Variants in LMF1 observed in about 807,000 individuals in gnomAD.
The protein encoded by LMF1 is transmembrane protein 112.
A neutral mutation model predicts 60.6 loss-of-function variants in LMF1; 68 were observed. That is an observed-to-expected ratio of 1.12 (90% CI 0.92 to 1.37). LMF1 has a LOEUF of 1.37. LMF1 is among the 40% of genes most tolerant of loss of function. LMF1 has a pLI of 0.00. For synonymous variants in LMF1, 418 were observed against 324.7 expected (o/e 1.29, Z -3.09); for missense variants, 948 against 767.2 (o/e 1.24, Z -2.78).
intron 3 of LMF1, among the ~76,000 whole-genome samples, chr16:912,671 C>A (rs545956796): frequency 6.6e-6 from 1 of 152,322 alleles, no homozygotes; most frequent in East Asian, 1.9e-4. Flanking sequence ...TCGCTCACGC[C>A]CCAGGCTCGC....
At chr16:927,579 C>G (rs924291306) in intron 3 of LMF1, among the ~76,000 whole-genome samples, 2 of 152,230 alleles carry the variant, frequency 1.3e-5, no homozygotes, top group Non-Finnish European at 2.9e-5. Context: ...GCATCCCTGA[C>G]CCTGGGAGCT....
At chr16:877,231 AACTAAGATAAT>A (rs1192128545) in intron 6 of LMF1, among the ~76,000 whole-genome samples, 7 of 152,202 alleles carry the variant, frequency 4.6e-5, no homozygotes, top group Non-Finnish European at 8.8e-5. Context: ...GAGGCTATAA[AACTAAGATAAT>A]ACTATGACTT....
In LMF1 at chr16:977,534, C is replaced by T. The variant is rs574218371; in HGVS notation, c.-135+3611G>A. Among the ~76,000 whole-genome samples the T allele has an allele frequency of 7.2e-5, 11 of 152,298 alleles. No individual in the cohort carries two copies. The South Asian group carries it at 8.3e-4, about 11-fold the overall frequency. On this transcript the variant is annotated intron_variant, in intron 1 of 6. Transcript: ENST00000570014. The stretch of plus-strand genomic sequence containing the variant: ...CGCTGCCAACTGCCCCACGGGTGCT[C>T]GGGATGCAGGGGCTGGGAGGCCCGG...
rs922245047 is a variant in LMF1, at chr16:946,790, G to A, written c.503+7567C>T. ...TCAAGGGACCTCACGTGCCCTGGTG[G>A]GCCTGACCAAGCTGAAGTCAGGGCA... On this transcript the variant is annotated intron_variant, in intron 2 of 10. Coordinates refer to ENST00000262301, the MANE Select transcript of LMF1 (RefSeq NM_022773.4). Among the ~76,000 whole-genome samples, 13 of 152,184 alleles carry A rather than the reference G, an allele frequency of 8.5e-5. 1 individual carries two copies. Among genetic ancestry groups the A allele is most frequent in the Admixed American group, 8.5e-4 (13 of 15,286 alleles).
intron 3 of LMF1, among the ~76,000 whole-genome samples, chr16:915,572 CTCTGGGCTGG>C (rs1299070892): frequency 6.6e-6 from 1 of 151,902 alleles, no homozygotes; most frequent in African/African-American, 2.4e-5. Flanking sequence ...CTGGCGGCTG[CTCTGGGCTGG>C]GCTGGGCAGC....
intron 3 of LMF1, among the ~76,000 whole-genome samples, chr16:912,309 A>T (rs1010756207): frequency 5.9e-5 from 9 of 152,012 alleles, no homozygotes; most frequent in African/African-American, 1.9e-4. Context: ...GGCAGTGTCT[A>T]CCTGCCACAG....
intron 10 of LMF1, among the ~76,000 whole-genome samples, chr16:868,622 A>T (rs2151697413): frequency 6.6e-6 from 1 of 152,220 alleles, no homozygotes; most frequent in East Asian, 1.9e-4. Flanking sequence ...CCAGGAGCAG[A>T]GGTGGCACCT....
chr16:956,049 C>T lies in LMF1; in HGVS notation c.194-1383G>A, dbSNP rs140669656. 5.7e-4 allele frequency among the ~76,000 whole-genome samples: 80 copies of T among 139,524 alleles called. 1 individual carries two copies. Among genetic ancestry groups the T allele is most frequent in the African/African-American group, 2.0e-3 (69 of 34,586 alleles). The allele number at this position is 139,524 out of a possible 152,430, so 91.5% of individuals were successfully genotyped here. A position where few individuals can be genotyped will look rare whatever the true frequency, so the allele number is the denominator to read the frequency against. On this transcript the variant is annotated intron_variant, in intron 1 of 10. Transcript: ENST00000262301. ...CACAGGTCTCTGAGTTCACGTCTCACGGCGCCCACCGCACGACGGCTCTCT... is the reference window on the plus strand; with the variant it reads ...CACAGGTCTCTGAGTTCACGTCTCATGGCGCCCACCGCACGACGGCTCTCT...
chr16:871,331 A>C lies in LMF1; in HGVS notation c.908T>G (p.Ile303Ser). ...VLQILFQAVL[I>S]VSGNLSFLNW... is the part of the protein sequence containing the mutation. ...CAGGAAGCTGAGGTTCCCGCTGACGATGAGGACGGCCTGTGGAGACGCCGC... is the reference window on the plus strand; with the variant it reads ...CAGGAAGCTGAGGTTCCCGCTGACGCTGAGGACGGCCTGTGGAGACGCCGC... Residue 303 changes from isoleucine (I) to serine (S), a missense_variant, in exon 7 of 11, where the codon ATC (isoleucine) becomes AGC (serine). Ile to Ser is a moderately radical substitution (Grantham distance 142). Coordinates refer to ENST00000262301, the MANE Select transcript of LMF1 (RefSeq NM_022773.4). The C allele has an allele frequency of 1.2e-6, 2 of 1,610,714 alleles. No homozygotes were observed. The highest frequency in any genetic ancestry group is 1.1e-5 in the South Asian group (1 of 91,008).
intron 3 of LMF1, among the ~76,000 whole-genome samples, chr16:922,717 G>A (rs961014106): frequency 3.0e-5 from 4 of 131,466 alleles, no homozygotes; most frequent in Non-Finnish European, 5.0e-5. Flanking sequence ...TGTGAAAGTC[G>A]CCTGGGTTTT....
At chr16:909,487 T>C (rs2071051736) in intron 4 of LMF1, among the ~76,000 whole-genome samples, 1 of 151,778 alleles carries the variant, frequency 6.6e-6, no homozygotes, top group East Asian at 1.9e-4. Flanking sequence ...AACCACGCTA[T>C]GCGCTATACT....
At chr16:971,952 A>G (rs1362392823), upstream of LMF1, among the ~76,000 whole-genome samples, 3 of 152,072 alleles carry the variant, frequency 2.0e-5, no homozygotes, top group Non-Finnish European at 2.9e-5. Context: ...TTTTGTTTTC[A>G]TGTATTCTTC....
intron 2 of LMF1, among the ~76,000 whole-genome samples, chr16:951,410 A>C (rs1490566870): frequency 6.6e-6 from 1 of 152,274 alleles, no homozygotes; most frequent in Non-Finnish European, 1.5e-5. Context: ...GACTTCAGAT[A>C]CTATAGCAGA....
At chr16:869,334 C>A in intron 9 of LMF1, 1 of 656,084 alleles carries the variant, frequency 1.5e-6, no homozygotes, top group Non-Finnish European at 2.8e-6. Context: ...GGCCTTGCCT[C>A]CCTGAGGCTC....
chr16:860,667 C>T (rs7194660), intron 10 of LMF1, among the ~76,000 whole-genome samples: 5,152 of 152,204 alleles, frequency 0.034, 304 homozygotes, highest in African/African-American at 0.12. Context: ...TTATGCTTTA[C>T]GTTGAAGTCC....
At chr16:947,454 C>T (rs72769410) in intron 2 of LMF1, 29,351 of 455,694 alleles carry the variant, frequency 0.064, 1,044 homozygotes, top group Non-Finnish European at 0.073. Flanking sequence ...AATGAAGCAC[C>T]GAGGGCGGTG....
At chr16:902,579 C>A (rs896227016) in intron 4 of LMF1, 1 of 172,640 alleles carries the variant, frequency 5.8e-6, no homozygotes, top group African/African-American at 2.6e-5. Flanking sequence ...GTGTGGTGAC[C>A]TCTGCACTGC....
upstream of LMF1, chr16:975,944 G>C (rs948307686): frequency 8.1e-6 from 3 of 368,990 alleles, no homozygotes; most frequent in African/African-American, 9.7e-5. Context: ...AATGGGGCTC[G>C]GTGTTGGGAG....
Position 874,121 on chromosome 16 carries a change from C to T in LMF1, c.898-2780G>A, listed in dbSNP as rs996347753. ...CCAGGCGGAGGCGGCGGTTGCATCACGCTGTGAACGTGCTGGAGGCCCCCG... is the reference window on the plus strand; with the variant it reads ...CCAGGCGGAGGCGGCGGTTGCATCATGCTGTGAACGTGCTGGAGGCCCCCG... On this transcript the variant is annotated intron_variant, in intron 6 of 10. Coordinates refer to ENST00000262301, the MANE Select transcript of LMF1 (RefSeq NM_022773.4). The surrounding 1 kb of genome is among the most constrained non-coding windows in gnomAD (Gnocchi z 4.1). Among the ~76,000 whole-genome samples, 2 of 152,162 alleles carry T rather than the reference C, an allele frequency of 1.3e-5. No homozygotes were observed. Among genetic ancestry groups the T allele is most frequent in the Non-Finnish European group, 2.9e-5 (2 of 68,022 alleles).
Sources: allele counts gnomAD v4.1 joint callset (sites outside exome capture counted in the v4.1 genomes callset), GRCh38; gene constraint gnomAD v4.1.1; non-coding constraint Gnocchi (gnomAD v3.1); transcripts MANE v1.5; gene names NCBI Gene and HGNC (gene_info 2026-07-23, HGNC 2026-07-21).